Variants in AXDND1 observed in about 807,000 individuals in gnomAD.
The protein encoded by AXDND1 is axonemal dynein light chain domain-containing protein 1.
In AXDND1, 110 loss-of-function variants were observed where a neutral mutation model predicts 137.5. That is an observed-to-expected ratio of 0.80 (90% CI 0.69 to 0.94). The LOEUF (loss-of-function observed/expected upper bound fraction) is 0.94, where lower values mean the gene tolerates loss of function less well. Among genes scored for constraint, AXDND1 ranks in the 40% least tolerant of loss-of-function variants. AXDND1 has a pLI of 0.00. For missense variants in AXDND1, 1,191 were observed against 1,169.8 expected (o/e 1.02, Z -0.26); for synonymous variants, 414 against 399.7 (o/e 1.04, Z -0.43).
chr1:179,483,060 A>G (rs905405933), intron 17 of AXDND1, 68 bp from the exon 18 acceptor site: 9 of 1,053,066 alleles, frequency 8.5e-6, no homozygotes, highest in African/African-American at 1.6e-5. Flanking sequence ...ACTCTTTCTC[A>G]TAGCTGATAG....
At chr1:179,525,493 A>G in intron 22 of AXDND1, 46 bp downstream of exon 22, 22 of 1,511,788 alleles carry the variant, frequency 1.5e-5, no homozygotes, top group Non-Finnish European at 2.0e-5. Context: ...ACATACATAC[A>G]TACATACATA....
intron 21 of AXDND1, among the ~76,000 whole-genome samples, chr1:179,517,430 A>T (rs1374605502): frequency 6.6e-6 from 1 of 152,176 alleles, no homozygotes; most frequent in Non-Finnish European, 1.5e-5. Context: ...TGGAGTCTGT[A>T]CACTGGATTC....
chr1:179,475,062 G>C (rs557010106), intron 17 of AXDND1, among the ~76,000 whole-genome samples: 2 of 152,318 alleles, frequency 1.3e-5, no homozygotes, highest in East Asian at 3.9e-4. Flanking sequence ...TGGGTGCACA[G>C]AAGTCAAGAA....
intron 4 of AXDND1, among the ~76,000 whole-genome samples, chr1:179,374,565 G>A (rs1485349396): frequency 6.6e-6 from 1 of 152,028 alleles, no homozygotes; most frequent in Non-Finnish European, 1.5e-5. Context: ...GCAAAGACTT[G>A]GAACCAACCC....
At chr1:179,488,703 T>C (rs1666475078) in intron 18 of AXDND1, among the ~76,000 whole-genome samples, 1 of 119,568 alleles carries the variant, frequency 8.4e-6, no homozygotes, top group Non-Finnish European at 1.7e-5. Context: ...TTCTTTCCTC[T>C]CTCTGTCTCT....
chr1:179,459,993 TTCCTTCCTTCCTTCCTC>T (rs1442353466), intron 16 of AXDND1, among the ~76,000 whole-genome samples: 1 of 138,906 alleles, frequency 7.2e-6, no homozygotes, highest in Admixed American at 7.2e-5. Context: ...CTTTCTTTCC[TTCCTTCCTTCCTTCCTC>T]TCCTTCCTTC....
At position 179,366,549 on chromosome 1, in the gene AXDND1, A is replaced by G. The variant is rs759577844; in HGVS notation, c.40A>G (p.Thr14Ala). 1.2e-6 allele frequency: 2 copies of G among 1,613,704 alleles called. No individual in the cohort carries two copies. Residue 14 changes from threonine (T) to alanine (A), a missense_variant, in exon 2 of 26, where the codon ACA (threonine) becomes GCA (alanine). Coordinates refer to ENST00000367618, the MANE Select transcript of AXDND1 (RefSeq NM_144696.6). Reference sequence around the variant, plus strand: ...AACGCCCTCCACCCCGCTAAACTCTACATCAACATCTGAGAGCAAAAAGTT... The same window carrying G: ...AACGCCCTCCACCCCGCTAAACTCTGCATCAACATCTGAGAGCAAAAAGTT... ...PKTPSTPLNS[T>A]STSESKKLKV...
intron 16 of AXDND1, chr1:179,448,928 G>T: frequency 4.6e-6 from 1 of 215,490 alleles, no homozygotes. Context: ...GCTGTGTCAT[G>T]TAGGGTGGAG....
At chr1:179,421,635 C>T (rs961119078) in intron 12 of AXDND1, among the ~76,000 whole-genome samples, 6 of 151,534 alleles carry the variant, frequency 4.0e-5, no homozygotes, top group South Asian at 2.1e-4. Flanking sequence ...CCACCTGCCT[C>T]GGCCTGCAAA....
intron 11 of AXDND1, 22 bp downstream of exon 11, chr1:179,395,224 T>G: frequency 4.4e-6 from 7 of 1,585,062 alleles, no homozygotes; most frequent in Non-Finnish European, 6.0e-6. Context: ...AAAGTTTGTT[T>G]AGCTTACATA....
intron 11 of AXDND1, among the ~76,000 whole-genome samples, chr1:179,402,260 G>A (rs4652374): frequency 0.64 from 97,711 of 151,702 alleles, 31,793 homozygotes; most frequent in Middle Eastern, 0.71. Flanking sequence ...TTCAATTTTT[G>A]CCTACTCTAT....
rs1245522937 is a variant in AXDND1 at position 179,383,492 on chromosome 1, C to T, written c.689C>T (p.Thr230Ile). ...GCCCAGCTGAATGATGTGATGGATA[C>T]TATGCTAGAGAGGGCTGGTGTGGAA... Reference protein sequence around the residue: ...EVAQLNDVMDTMLERAGVENQ... With the variant: ...EVAQLNDVMDIMLERAGVENQ... The change falls in exon 8 of 26, where the codon ACT becomes ATT. Residue 230 changes from threonine (T) to isoleucine (I), a missense_variant. Coordinates refer to ENST00000367618, the MANE Select transcript of AXDND1 (RefSeq NM_144696.6). The T allele has an allele frequency of 1.1e-5, 17 of 1,613,824 alleles. No individual in the cohort carries two copies. The highest frequency in any genetic ancestry group is 1.7e-5 in the Admixed American group (1 of 59,986).
chr1:179,432,448 T>C, intron 15 of AXDND1, 106 bp downstream of exon 15: 1 of 1,376,418 alleles, frequency 7.3e-7, no homozygotes, highest in South Asian at 1.5e-5. Context: ...TTTTGGGACG[T>C]TGTCTCACTC....
At chr1:179,371,010 AT>A (rs1335272343) in intron 4 of AXDND1, among the ~76,000 whole-genome samples, 1 of 152,314 alleles carries the variant, frequency 6.6e-6, no homozygotes, top group East Asian at 1.9e-4. Flanking sequence ...GAGGCTTTAT[AT>A]TTTATTCTAT....
At chr1:179,456,259 T>C in intron 16 of AXDND1, 1 of 736,140 alleles carries the variant, frequency 1.4e-6, no homozygotes, top group Non-Finnish European at 2.5e-6. Flanking sequence ...CTGCTGCTAC[T>C]GGAACCTCCA....
chr1:179,469,318 C>T (rs1461803645), intron 17 of AXDND1, among the ~76,000 whole-genome samples: 1 of 152,138 alleles, frequency 6.6e-6, no homozygotes, highest in African/African-American at 2.4e-5. Context: ...TTTCAAGGTT[C>T]ATCCATGTTG....
chr1:179,388,091 T>G (rs887149401), intron 9 of AXDND1, among the ~76,000 whole-genome samples: 1 of 152,166 alleles, frequency 6.6e-6, no homozygotes, highest in Non-Finnish European at 1.5e-5. Flanking sequence ...CCTGGAAAAC[T>G]CTCCCAAGGC....
chr1:179,422,626 G>A (rs529283757), intron 12 of AXDND1, among the ~76,000 whole-genome samples: 2 of 152,336 alleles, frequency 1.3e-5, no homozygotes, highest in African/African-American at 4.8e-5. Flanking sequence ...TGGGTGAAAT[G>A]TTCTGTAAAT....
At chr1:179,528,549 T>TCTG in intron 23 of AXDND1, 118 bp downstream of exon 23, 1 of 510,128 alleles carries the variant, frequency 2.0e-6, no homozygotes. Flanking sequence ...AAGTCATGTA[T>TCTG]TTTACAGATA....
Sources: allele counts gnomAD v4.1 joint callset (sites outside exome capture counted in the v4.1 genomes callset), GRCh38; gene constraint gnomAD v4.1.1; transcripts MANE v1.5; gene names NCBI Gene and HGNC (gene_info 2026-07-23, HGNC 2026-07-21).